ZNF527: variants seen among roughly 807,000 people sequenced by gnomAD.
ZNF527 encodes the protein zinc finger protein 527.
In ZNF527, 5 loss-of-function variants were observed where a neutral mutation model predicts 13.5. The observed-to-expected ratio is 0.37, with a 90% confidence interval of 0.19 to 0.78. ZNF527 has a LOEUF of 0.78. Ranked by LOEUF, ZNF527 falls within the 30% of genes least tolerant of loss-of-function variation. The pLI is 0.48. For synonymous variants in ZNF527, 209 were observed against 243.1 expected (o/e 0.86, Z 1.30); for missense variants, 628 against 726.4 (o/e 0.86, Z 1.56).
intron 1 of ZNF527, 73 bp from the exon 2 acceptor site, chr19:37,374,085 T>C: frequency 1.0e-6 from 1 of 980,898 alleles, no homozygotes; most frequent in Non-Finnish European, 1.6e-6. Context: ...GGGGCAGTAG[T>C]ATTTTTGTGG....
chr19:37,383,915 C>A, intron 4 of ZNF527, among the ~76,000 whole-genome samples: 1 of 152,154 alleles, frequency 6.6e-6, no homozygotes, highest in East Asian at 1.9e-4. Context: ...ATAAACCAAT[C>A]TGATTTTCTT....
In ZNF527 at chr19:37,389,566, C is replaced by G; in HGVS notation, c.1517C>G (p.Ala506Gly). Residue 506 changes from alanine (A) to glycine (G), a missense_variant, in exon 5 of 5, where the codon GCC becomes GGC. Physicochemically the swap from Ala to Gly is moderately conservative, Grantham distance 60. Around this residue, in one of 3 missense-constraint regions of ZNF527, gnomAD observed 592 missense variants for 678.0 expected, o/e 0.87. Transcript: ENST00000436120. ...TTTGAATGCAGTAAATGTGGGAAAG[C>G]CTTCAGTGATGCTTTAGTTCTAATT... ...RPFECSKCGK[A>G]FSDALVLIHH... The G allele has an allele frequency of 1.9e-6, 3 of 1,614,110 alleles. No individual in the cohort carries two copies. The highest frequency in any genetic ancestry group is 2.5e-6 in the Non-Finnish European group (3 of 1,180,022).
At chr19:37,373,392 T>G (rs2040574306) in intron 1 of ZNF527, among the ~76,000 whole-genome samples, 1 of 152,238 alleles carries the variant, frequency 6.6e-6, no homozygotes. Context: ...CAGCATGAGT[T>G]AACATTGTAT....
In ZNF527 at chr19:37,390,318, C is replaced by T. The variant is rs755911825; in HGVS notation, c.*439C>T. 32 of 165,070 alleles carry T rather than the reference C, an allele frequency of 1.9e-4. No individual in the cohort carries two copies. Among genetic ancestry groups the T allele is most frequent in the African/African-American group, 1.2e-4 (5 of 41,520 alleles). 10.2% of individuals were successfully genotyped at this position (165,070 alleles called of 1,614,324 possible). On this transcript the variant is annotated 3_prime_UTR_variant, in exon 5 of 5. Transcript: ENST00000436120. The stretch of plus-strand genomic sequence containing the variant: ...TGCTGGGATTATGGGCGTGAGCCAC[C>T]GCGCCTGGCCACATCTGTTACTTTT...
rs372179896 is a variant in ZNF527 at position 37,380,999 on chromosome 19, G to C, written c.256+627G>C. On this transcript the variant is annotated intron_variant, in intron 4 of 4. Coordinates refer to ENST00000436120, the MANE Select transcript of ZNF527 (RefSeq NM_032453.2). The stretch of plus-strand genomic sequence containing the variant: ...TAAGGAGTTAGCACTTTCTTCTCCT[G>C]AATCCAACACATAAGGCACACACAC... Among the ~76,000 whole-genome samples, 20 of 151,932 alleles carry C rather than the reference G, an allele frequency of 1.3e-4. No individual in the cohort carries two copies. In the East Asian group the frequency reaches 3.7e-3, roughly 28 times the overall value.
Position 37,389,852 on chromosome 19 carries a change from G to C in ZNF527, c.1803G>C (p.Gln601His), listed in dbSNP as rs777049922. ...FSCVSALRRH[Q>H]RIHNRETL ...GTGTCTCAGCCCTTAGACGACATCA[G>C]AGAATTCATAATAGAGAAACGCTCT... The change falls in exon 5 of 5, where the codon CAG becomes CAC. Residue 601 changes from glutamine (Q) to histidine (H), a missense_variant. Gln to His is a conservative substitution (Grantham distance 24). Around this residue, in one of 3 missense-constraint regions of ZNF527, gnomAD observed 592 missense variants for 678.0 expected, o/e 0.87. Coordinates refer to ENST00000436120, the MANE Select transcript of ZNF527 (RefSeq NM_032453.2). The C allele has an allele frequency of 1.8e-5, 29 of 1,604,904 alleles. No homozygotes were observed. Among genetic ancestry groups the C allele is most frequent in the Non-Finnish European group, 2.4e-5 (28 of 1,177,310 alleles).
chr19:37,385,883 A>G (rs1019566890), intron 4 of ZNF527, among the ~76,000 whole-genome samples: 2 of 151,960 alleles, frequency 1.3e-5, no homozygotes, highest in African/African-American at 4.8e-5. Flanking sequence ...CTGTCTTATC[A>G]CTTGTAATCT....
intron 3 of ZNF527, 105 bp downstream of exon 3, chr19:37,379,351 C>G (rs952239581): frequency 1.2e-5 from 14 of 1,122,174 alleles, no homozygotes; most frequent in Admixed American, 5.5e-5. Context: ...AAAGCACTTA[C>G]TTGCCTTTCT....
chr19:37,376,566 C>T (rs908715558), intron 2 of ZNF527, among the ~76,000 whole-genome samples: 16 of 150,412 alleles, frequency 1.1e-4, no homozygotes, highest in African/African-American at 3.9e-4. Flanking sequence ...CCCAGCTACT[C>T]AGGAGTCTGA....
At chr19:37,375,339 C>CTTTCTTTCTTTCTTT (rs370068382) in intron 2 of ZNF527, among the ~76,000 whole-genome samples, 2 of 69,516 alleles carry the variant, frequency 2.9e-5, no homozygotes, top group East Asian at 4.1e-4. Flanking sequence ...TTCTTTCTTT[C>CTTTCTTTCTTTCTTT]CTTTCTTTCC....
intron 4 of ZNF527, among the ~76,000 whole-genome samples, chr19:37,382,319 AGATAGATAGAT>A (rs1301957700): frequency 2.0e-5 from 3 of 152,164 alleles, no homozygotes; most frequent in East Asian, 1.9e-4. Flanking sequence ...ATAGATAGAT[AGATAGATAGAT>A]ATTTACACAC....
In ZNF527 at chr19:37,388,569, C is replaced by G; in HGVS notation, c.520C>G (p.Leu174Val). The G allele has an allele frequency of 6.2e-7, 1 of 1,614,108 alleles. No individual in the cohort carries two copies. The highest frequency in any genetic ancestry group is 8.5e-7 in the Non-Finnish European group (1 of 1,180,008). Residue 174 changes from leucine to valine, a missense_variant, in exon 5 of 5, where the codon CTG becomes GTG. Leu to Val is a conservative substitution (Grantham distance 32, BLOSUM62 1). Transcript: ENST00000436120. The part of the protein sequence containing the change: ...EFSNSGRSIP[L>V]KSVFLTQQKV... ...TAGTAATTCTGGGAGAAGCATACCCCTGAAATCAGTATTTTTAACACAACA... is the reference window on the plus strand; with the variant it reads ...TAGTAATTCTGGGAGAAGCATACCCGTGAAATCAGTATTTTTAACACAACA...
intron 4 of ZNF527, among the ~76,000 whole-genome samples, chr19:37,386,140 CTT>C (rs1050024983): frequency 3.2e-4 from 23 of 72,462 alleles, no homozygotes; most frequent in South Asian, 2.8e-3. Flanking sequence ...TCTTCTTTTC[CTT>C]TTTTTTTTTT....
chr19:37,382,399 T>C (rs2040662152), intron 4 of ZNF527, among the ~76,000 whole-genome samples: 1 of 152,218 alleles, frequency 6.6e-6, no homozygotes, highest in Non-Finnish European at 1.5e-5. Context: ...TCTATCTTTT[T>C]ATATACTAAA....
chr19:37,381,544 CTTA>C (rs1237986979), intron 4 of ZNF527, among the ~76,000 whole-genome samples: 1 of 152,152 alleles, frequency 6.6e-6, no homozygotes, highest in Admixed American at 6.5e-5. Context: ...ATCGATATGT[CTTA>C]TTATCGGTGA....
intron 2 of ZNF527, among the ~76,000 whole-genome samples, chr19:37,376,368 AAAAAAT>A (rs1305980756): frequency 6.6e-6 from 1 of 151,786 alleles, no homozygotes; most frequent in Non-Finnish European, 1.5e-5. Flanking sequence ...AAAAAAAAAT[AAAAAAT>A]AAAAATAAAA....
At chr19:37,383,655 C>G (rs1298861550) in intron 4 of ZNF527, among the ~76,000 whole-genome samples, 5 of 151,626 alleles carry the variant, frequency 3.3e-5, no homozygotes, top group Non-Finnish European at 1.5e-5. Flanking sequence ...TCTCCTGTAT[C>G]AGCCTCCCAA....
intron 4 of ZNF527, among the ~76,000 whole-genome samples, chr19:37,382,739 C>T (rs1297553574): frequency 6.6e-6 from 1 of 152,234 alleles, no homozygotes; most frequent in South Asian, 2.1e-4. Context: ...GATGGAGTCT[C>T]GCTCTGTCAC....
chr19:37,388,178 G>A (rs2040715402), intron 4 of ZNF527, 128 bp from the exon 5 acceptor site: 16 of 973,428 alleles, frequency 1.6e-5, no homozygotes, highest in Non-Finnish European at 2.3e-5. Flanking sequence ...GCCATATTTG[G>A]GAGCTATTAG....
Sources: gnomAD v4.1 joint callset for allele counts (sites outside exome capture counted in the v4.1 genomes callset) on GRCh38, gnomAD v4.1.1 for gene constraint, gnomAD v4.1.1 regional missense constraint, MANE v1.5 for transcripts, NCBI Gene and HGNC (gene_info 2026-07-23, HGNC 2026-07-21) for gene names.